Variants in PTPRR observed in about 807,000 individuals in gnomAD.
PTPRR encodes the protein protein tyrosine phosphatase receptor type R.
Under a neutral mutation model 77.2 loss-of-function variants are expected in PTPRR, and 38 were observed. That is an observed-to-expected ratio of 0.49 (90% CI 0.38 to 0.65). PTPRR has a LOEUF of 0.65. Ranked by LOEUF, PTPRR falls within the 30% of genes least tolerant of loss-of-function variation. The pLI is 0.00. For synonymous variants in PTPRR, 299 were observed against 283.1 expected (o/e 1.06, Z -0.57); for missense variants, 744 against 799.2 (o/e 0.93, Z 0.83).
chr12:70,864,087 T>C (rs1201334838), intron 2 of PTPRR, among the ~76,000 whole-genome samples: 1 of 152,172 alleles, frequency 6.6e-6, no homozygotes, highest in African/African-American at 2.4e-5. Context: ...CTCACGTATA[T>C]TGTATCTGGA....
chr12:70,770,642 A>G (rs1223745907), intron 2 of PTPRR, among the ~76,000 whole-genome samples: 1 of 152,224 alleles, frequency 6.6e-6, no homozygotes, highest in Non-Finnish European at 1.5e-5. Flanking sequence ...TGACCCAGCC[A>G]TCCCATTACT....
intron 1 of PTPRR, among the ~76,000 whole-genome samples, chr12:70,896,349 G>T (rs1403356179): frequency 1.3e-5 from 2 of 151,556 alleles, no homozygotes; most frequent in Non-Finnish European, 3.0e-5. Context: ...CAAAGGCAAG[G>T]TTGTAAAAGA....
intron 2 of PTPRR, chr12:70,788,998 A>G: frequency 1.2e-6 from 1 of 814,606 alleles, no homozygotes; most frequent in Non-Finnish European, 1.8e-6. Flanking sequence ...GACACTGCGG[A>G]TCCCAGGTCT....
At chr12:70,713,202 A>C (rs1888895273) in intron 6 of PTPRR, among the ~76,000 whole-genome samples, 1 of 152,128 alleles carries the variant, frequency 6.6e-6, no homozygotes, top group African/African-American at 2.4e-5. Context: ...TTCACGGTTC[A>C]TCCATGTTGT....
chr12:70,667,439 C>T (rs963268126), intron 10 of PTPRR, among the ~76,000 whole-genome samples: 1 of 152,120 alleles, frequency 6.6e-6, no homozygotes, highest in African/African-American at 2.4e-5. Flanking sequence ...TTTCTAGCCA[C>T]CCTTAATTGC....
intron 4 of PTPRR, among the ~76,000 whole-genome samples, chr12:70,756,901 A>G (rs1288384827): frequency 6.6e-6 from 1 of 152,206 alleles, no homozygotes; most frequent in Non-Finnish European, 1.5e-5. Flanking sequence ...GGAAGTACAC[A>G]GAATAAGAAT....
chr12:70,682,045 T>G (rs1887685615), intron 10 of PTPRR, among the ~76,000 whole-genome samples: 1 of 131,802 alleles, frequency 7.6e-6, no homozygotes, highest in South Asian at 2.6e-4. Context: ...TTTTTTTTTT[T>G]TTTTTTTTTT....
chr12:70,741,695 G>C (rs530349036), intron 6 of PTPRR, among the ~76,000 whole-genome samples: 1 of 152,148 alleles, frequency 6.6e-6, no homozygotes, highest in South Asian at 2.1e-4. Flanking sequence ...CCAGAGTAGG[G>C]TTTTCTATTC....
At chr12:70,786,677 A>G (rs973673745) in intron 2 of PTPRR, among the ~76,000 whole-genome samples, 4 of 152,124 alleles carry the variant, frequency 2.6e-5, no homozygotes, top group African/African-American at 9.7e-5. Flanking sequence ...ATTTCCTTTC[A>G]TTTTTATTCC....
At chr12:70,889,503 A>G (rs1376123248) in intron 2 of PTPRR, among the ~76,000 whole-genome samples, 1 of 152,202 alleles carries the variant, frequency 6.6e-6, no homozygotes, top group Non-Finnish European at 1.5e-5. Flanking sequence ...TCTAAGTCAA[A>G]TACCTGACAA....
At chr12:70,830,637 A>T (rs1031233864) in intron 2 of PTPRR, among the ~76,000 whole-genome samples, 5 of 152,236 alleles carry the variant, frequency 3.3e-5, no homozygotes, top group Non-Finnish European at 5.9e-5. Context: ...TATAAAAGTG[A>T]TGGACAACAC....
At chr12:70,672,106 CA>C in intron 10 of PTPRR, 2 of 1,390,662 alleles carry the variant, frequency 1.4e-6, no homozygotes, top group Non-Finnish European at 2.0e-6. Flanking sequence ...CTATGCTCCC[CA>C]AAATGATGAC....
intron 2 of PTPRR, among the ~76,000 whole-genome samples, chr12:70,797,563 T>C (rs1229839705): frequency 6.6e-6 from 1 of 152,186 alleles, no homozygotes; most frequent in Non-Finnish European, 1.5e-5. Context: ...TCTATTCTGC[T>C]CTTCAATCAC....
At chr12:70,641,786 T>C (rs890735216) in intron 13 of PTPRR, among the ~76,000 whole-genome samples, 1 of 152,174 alleles carries the variant, frequency 6.6e-6, no homozygotes, top group African/African-American at 2.4e-5. Context: ...TTTTAAGACA[T>C]CAACATGAAT....
chr12:70,793,702 G>C lies in PTPRR; in HGVS notation c.358-28924C>G, dbSNP rs554897587. 6.4e-4 allele frequency among the ~76,000 whole-genome samples: 98 copies of C among 152,256 alleles called. 1 individual carries two copies. Among genetic ancestry groups the C allele is most frequent in the African/African-American group, 2.3e-3 (97 of 41,558 alleles). ...ATCAAACGAGGGTAATTTTGTGAGA[G>C]GTTTGATAGGAAATCATTAGGCATC... On this transcript the variant is annotated intron_variant, in intron 2 of 13. Transcript: ENST00000283228.
intron 13 of PTPRR, among the ~76,000 whole-genome samples, chr12:70,641,553 G>A (rs1410064718): frequency 6.6e-6 from 1 of 152,182 alleles, no homozygotes; most frequent in Non-Finnish European, 1.5e-5. Flanking sequence ...AGATGGAGAA[G>A]CATACTCATT....
intron 6 of PTPRR, among the ~76,000 whole-genome samples, chr12:70,741,161 G>T (rs1188105595): frequency 6.6e-6 from 1 of 152,120 alleles, no homozygotes; most frequent in African/African-American, 2.4e-5. Context: ...ACTCATTCAG[G>T]CATTTATCTC....
chr12:70,901,336 A>G (rs560346472), intron 1 of PTPRR, among the ~76,000 whole-genome samples: 1 of 151,726 alleles, frequency 6.6e-6, no homozygotes, highest in African/African-American at 2.4e-5. Flanking sequence ...CACAATAGCC[A>G]AGATACGAAA....
rs552483737 is a variant in PTPRR, at chr12:70,754,453, T to C, written c.628-152A>G. 3.7e-4 allele frequency: 583 copies of C among 1,565,408 alleles called. 5 individuals carry two copies. The Middle Eastern group carries it at 0.014, about 38-fold the overall frequency. On this transcript the variant is annotated intron_variant, in intron 4 of 13. Transcript: ENST00000283228. Reference sequence around the variant, plus strand: ...CTGCCAGAGCTGCTTCTCAAACTGATCTAAGACAACAGACTGCCATCCTTA... The same window carrying C: ...CTGCCAGAGCTGCTTCTCAAACTGACCTAAGACAACAGACTGCCATCCTTA...
Sources: gnomAD v4.1 joint callset for allele counts (sites outside exome capture counted in the v4.1 genomes callset) on GRCh38, gnomAD v4.1.1 for gene constraint, MANE v1.5 for transcripts, NCBI Gene and HGNC (gene_info 2026-07-23, HGNC 2026-07-21) for gene names.